Variants in RASA3 observed in about 807,000 individuals in gnomAD.
RASA3 encodes ras GTPase-activating protein 3.
A neutral mutation model predicts 110.0 loss-of-function variants in RASA3; 73 were observed. That is an observed-to-expected ratio of 0.66 (90% CI 0.55 to 0.81). The LOEUF (loss-of-function observed/expected upper bound fraction) is 0.81. Ranked by LOEUF, RASA3 falls within the 30% of genes least tolerant of loss-of-function variation. RASA3 has a pLI of 0.00. For synonymous variants in RASA3, 500 were observed against 451.4 expected, an observed-to-expected ratio of 1.11 and a Z score of -1.37; for missense variants, 976 against 1,113.2, an observed-to-expected ratio of 0.88 and a Z score of 1.75.
chr13:114,028,322 A>G (rs1189763644), intron 5 of RASA3, among the ~76,000 whole-genome samples: 2 of 146,708 alleles, frequency 1.4e-5, no homozygotes, highest in East Asian at 4.1e-4. Flanking sequence ...GATCTCTAAA[A>G]CAGCGTCATC....
intron 17 of RASA3, among the ~76,000 whole-genome samples, chr13:114,008,250 G>C (rs878920725): frequency 4.5e-5 from 2 of 44,500 alleles, no homozygotes; most frequent in Admixed American, 1.9e-4. Context: ...CAGAGCCCTG[G>C]GGCCTGGATA....
chr13:114,126,729 C>T (rs1195738174), intron 1 of RASA3, among the ~76,000 whole-genome samples: 2 of 152,248 alleles, frequency 1.3e-5, no homozygotes, highest in Admixed American at 6.5e-5. Flanking sequence ...TACCTCCCAT[C>T]TATGAAGATC....
At chr13:113,990,478 G>A (rs1354647430) in intron 22 of RASA3, among the ~76,000 whole-genome samples, 1 of 152,180 alleles carries the variant, frequency 6.6e-6, no homozygotes, top group African/African-American at 2.4e-5. Context: ...TGTGTGTGAT[G>A]ACCTCACCCT....
intron 2 of RASA3, among the ~76,000 whole-genome samples, chr13:114,070,156 G>A (rs1381037542): frequency 1.7e-5 from 2 of 116,494 alleles, no homozygotes; most frequent in Non-Finnish European, 3.6e-5. Flanking sequence ...CGGGAGACTC[G>A]GGGGTTGGGA....
chr13:114,039,694 C>T (rs1209597650), intron 4 of RASA3, among the ~76,000 whole-genome samples: 2 of 70,378 alleles, frequency 2.8e-5, no homozygotes, highest in Non-Finnish European at 2.4e-5. Flanking sequence ...CCACTGCTCC[C>T]TCTGTTACAG....
intron 1 of RASA3, among the ~76,000 whole-genome samples, chr13:114,128,518 CT>C (rs1372721074): frequency 6.6e-6 from 1 of 152,240 alleles, no homozygotes; most frequent in Non-Finnish European, 1.5e-5. Flanking sequence ...AGGCACCCCA[CT>C]TGTCATTCTC....
Position 114,057,407 on chromosome 13 carries a change from G to A in RASA3, c.174-5252C>T, listed in dbSNP as rs918888154. Reference sequence around the variant, plus strand: ...GGCAGTGGGGTCCGGAGAGGCGGCCGTGCTACAGGCCTTGCACTCATTTTA... The same window carrying A: ...GGCAGTGGGGTCCGGAGAGGCGGCCATGCTACAGGCCTTGCACTCATTTTA... On this transcript the variant is annotated intron_variant, in intron 2 of 23. Transcript: ENST00000334062. The surrounding 1 kb of genome is among the most constrained non-coding windows in gnomAD (Gnocchi z 5.0). The A allele has an allele frequency of 2.3e-5, 23 of 985,396 alleles. No individual in the cohort carries two copies. Among genetic ancestry groups the A allele is most frequent in the Admixed American group, 6.1e-5 (1 of 16,286 alleles). 61.0% of individuals were successfully genotyped at this position (985,396 alleles called of 1,614,324 possible).
chr13:114,034,871 T>C (rs2054250627), intron 4 of RASA3, among the ~76,000 whole-genome samples: 1 of 151,842 alleles, frequency 6.6e-6, no homozygotes, highest in Non-Finnish European at 1.5e-5. Context: ...CCACACAGAC[T>C]AGAGCAGAAG....
rs566760194 is a variant in RASA3 at position 114,013,614 on chromosome 13, C to T, written c.1406-366G>A. ...TCTCTCCGTCTCTGGCTCTCTCCCCCCCTCCATCTGTCTCTCTCTCTCTCC... is the reference window on the plus strand; with the variant it reads ...TCTCTCCGTCTCTGGCTCTCTCCCCTCCTCCATCTGTCTCTCTCTCTCTCC... On this transcript the variant is annotated intron_variant, in intron 14 of 23. Coordinates refer to ENST00000334062, the MANE Select transcript of RASA3 (RefSeq NM_007368.4). Among the ~76,000 whole-genome samples, 444 of 102,914 alleles carry T rather than the reference C, an allele frequency of 4.3e-3. 27 individuals are homozygous for T. Among genetic ancestry groups the T allele is most frequent in the African/African-American group, 0.019 (417 of 22,176 alleles). 67.5% of individuals were successfully genotyped at this position (102,914 alleles called of 152,430 possible).
At chr13:114,005,676 C>T (rs1165444644) in intron 18 of RASA3, among the ~76,000 whole-genome samples, 9 of 152,276 alleles carry the variant, frequency 5.9e-5, no homozygotes, top group African/African-American at 1.9e-4. Context: ...GGAGGCTGCC[C>T]CCGACTAGGG....
chr13:114,015,439 C>A, intron 13 of RASA3, 107 bp from the exon 14 acceptor site: 1 of 1,419,660 alleles, frequency 7.0e-7, no homozygotes, highest in Non-Finnish European at 9.6e-7. Context: ...TGAGGGCGGG[C>A]GCAGGGCAGC....
chr13:114,040,236 A>C (rs1302001856), intron 4 of RASA3, among the ~76,000 whole-genome samples: 1 of 151,914 alleles, frequency 6.6e-6, no homozygotes, highest in East Asian at 1.9e-4. Context: ...AATCCATGAC[A>C]GAGCCTGCGC....
chr13:114,077,148 C>T (rs2079697939), intron 1 of RASA3, among the ~76,000 whole-genome samples: 2 of 152,206 alleles, frequency 1.3e-5, no homozygotes, highest in African/African-American at 2.4e-5. Flanking sequence ...CAAATCACAG[C>T]AGTAACAGCT....
intron 20 of RASA3, 114 bp from the exon 21 acceptor site, chr13:113,996,853 G>C: frequency 1.1e-6 from 1 of 924,464 alleles, no homozygotes; most frequent in Non-Finnish European, 1.7e-6. Flanking sequence ...GGGACGCTGA[G>C]GGTGCACAGG....
chr13:114,005,484 G>A lies in RASA3; in HGVS notation c.1742+2049C>T, dbSNP rs537326171. Among the ~76,000 whole-genome samples, 30 of 147,938 alleles carry A rather than the reference G, an allele frequency of 2.0e-4. No homozygotes were observed. In the East Asian group the frequency reaches 4.8e-3, roughly 24 times the overall value. On this transcript the variant is annotated intron_variant, in intron 18 of 23. Transcript: ENST00000334062. ...AGACGTCCCCCTCCAAGGTCACCGA[G>A]AAGGTGGCAGAGGGGTCCCAGGCTG...
At chr13:114,100,538 G>T (rs1007800493) in intron 1 of RASA3, among the ~76,000 whole-genome samples, 1 of 152,226 alleles carries the variant, frequency 6.6e-6, no homozygotes, top group African/African-American at 2.4e-5. Context: ...TGCGCCCCAC[G>T]GCTGGCTGGA....
chr13:114,046,113 A>T (rs928314036), intron 3 of RASA3, among the ~76,000 whole-genome samples: 1 of 152,252 alleles, frequency 6.6e-6, no homozygotes, highest in African/African-American at 2.4e-5. Context: ...CATCTAGAAT[A>T]GAAAAACAAG....
At chr13:113,996,195 G>A (rs958588902) in intron 21 of RASA3, among the ~76,000 whole-genome samples, 1 of 152,266 alleles carries the variant, frequency 6.6e-6, no homozygotes, top group South Asian at 2.1e-4. Flanking sequence ...TCAGGGAGGG[G>A]CTTGCTCCCA....
intron 3 of RASA3, among the ~76,000 whole-genome samples, chr13:114,050,514 A>G (rs2079126721): frequency 6.6e-6 from 1 of 152,250 alleles, no homozygotes; most frequent in South Asian, 2.1e-4. Flanking sequence ...AGTCCCAAAA[A>G]TGTCCGGGTC....
Sources: allele counts gnomAD v4.1 joint callset (sites outside exome capture counted in the v4.1 genomes callset), GRCh38; gene constraint gnomAD v4.1.1; non-coding constraint Gnocchi (gnomAD v3.1); transcripts MANE v1.5; gene names NCBI Gene and HGNC (gene_info 2026-07-23, HGNC 2026-07-21).